NEMP2: variants seen among roughly 807,000 people sequenced by gnomAD.
NEMP2 encodes the protein nuclear envelope integral membrane protein 2, also known as UPF0571 transmembrane protein.
Under a neutral mutation model 54.2 loss-of-function variants are expected in NEMP2, and 53 were observed. The ratio of observed to expected loss-of-function variants is 0.98; its 90% CI spans 0.78 to 1.23. The LOEUF is 1.23. Ranked by LOEUF, NEMP2 falls within the 50% of genes most tolerant of loss-of-function variation. NEMP2 has a pLI of 0.00. For synonymous variants in NEMP2, 197 were observed against 190.3 expected (o/e 1.04, Z -0.29); for missense variants, 455 against 511.3 (o/e 0.89, Z 1.06).
the NEMP2 span, chr2:190,497,931 C>T: frequency 6.5e-3 from 2,955 of 456,692 alleles, 19 homozygotes; most frequent in Middle Eastern, 0.012. This position sits in a 1 kb window ranked among gnomAD's most constrained non-coding sequence, Gnocchi z 5.2. Context: ...TTATGGAGTT[C>T]AGGAAAACTT....
the NEMP2 span, among the ~76,000 whole-genome samples, chr2:190,568,754 G>A: frequency 5.8e-4 from 88 of 152,226 alleles, no homozygotes; most frequent in African/African-American, 1.8e-3. This position sits in a 1 kb window ranked among gnomAD's most constrained non-coding sequence, Gnocchi z 4.7. Context: ...CCCAGAAGGC[G>A]GAGGTTGCTG....
chr2:190,511,843 T>C (rs867836968), intron 7 of NEMP2, among the ~76,000 whole-genome samples: 2 of 151,718 alleles, frequency 1.3e-5, no homozygotes, highest in African/African-American at 2.4e-5. Context: ...CATGAGCCAC[T>C]GCGCCCGGCC....
At chr2:190,617,947 T>C in the NEMP2 span, among the ~76,000 whole-genome samples, 1 of 152,242 alleles carries the variant, frequency 6.6e-6, no homozygotes, top group East Asian at 1.9e-4. The surrounding 1 kb of genome is among the most constrained non-coding windows in gnomAD (Gnocchi z 5.0). Flanking sequence ...TTCAGGCTTT[T>C]ACTATGACAT....
chr2:190,624,524 C>T, the NEMP2 span: 4 of 152,178 alleles, frequency 2.6e-5, no homozygotes, highest in African/African-American at 9.7e-5. Context: ...ATATTTATTA[C>T]TCTATTCACA....
Position 190,527,269 on chromosome 2 carries a change from CA to C in NEMP2, c.98-1892del. ...TGAGTAAACAGTAACTACTAGTAAA[CA>C]ATCACATCCATGTAGGGAATAATAC... On this transcript the variant is annotated intron_variant, in intron 1 of 8. Transcript: ENST00000409150. The surrounding 1 kb of genome is among the most constrained non-coding windows in gnomAD (Gnocchi z 4.0). 6.6e-6 allele frequency among the ~76,000 whole-genome samples: 1 copy of C among 152,282 alleles called. No individual in the cohort carries two copies. Among genetic ancestry groups the C allele is most frequent in the Middle Eastern group, 3.4e-3 (1 of 294 alleles).
rs1690692598 is a variant in NEMP2 at position 190,519,817 on chromosome 2, A to G, written c.214-634T>C. 6.6e-6 allele frequency among the ~76,000 whole-genome samples: 1 copy of G among 152,238 alleles called. No homozygotes were observed. The highest frequency in any genetic ancestry group is 2.4e-5 in the African/African-American group (1 of 41,462). ...AGGCATACCCATTTTATTGTTTTAC[A>G]TCACTGTGCTTTGCAGATAGTGCAT... On this transcript the variant is annotated intron_variant, in intron 2 of 8. Coordinates refer to ENST00000409150, the MANE Select transcript of NEMP2 (RefSeq NM_001142645.2). This position sits in a 1 kb window ranked among gnomAD's most constrained non-coding sequence, Gnocchi z 5.4.
At chr2:190,633,244 C>T in the NEMP2 span, among the ~76,000 whole-genome samples, 5 of 151,748 alleles carry the variant, frequency 3.3e-5, no homozygotes, top group Admixed American at 1.3e-4. Flanking sequence ...GTCAACTCCA[C>T]GACTAAACTG....
chr2:190,458,871 G>A, the NEMP2 span, among the ~76,000 whole-genome samples: 2 of 152,166 alleles, frequency 1.3e-5, no homozygotes, highest in Admixed American at 6.5e-5. The surrounding 1 kb of genome is among the most constrained non-coding windows in gnomAD (Gnocchi z 5.3). Flanking sequence ...TTTTGGGCAG[G>A]CTTACTCATA....
At chr2:190,595,750 C>A in the NEMP2 span, among the ~76,000 whole-genome samples, 9 of 152,154 alleles carry the variant, frequency 5.9e-5, no homozygotes, top group Non-Finnish European at 1.3e-4. The surrounding 1 kb of genome is among the most constrained non-coding windows in gnomAD (Gnocchi z 4.0). Context: ...CAGGAAACAA[C>A]AGATGCTGGA....
the NEMP2 span, among the ~76,000 whole-genome samples, chr2:190,470,656 T>G: frequency 6.6e-6 from 1 of 152,210 alleles, no homozygotes; most frequent in Non-Finnish European, 1.5e-5. Flanking sequence ...TTCATTAGCT[T>G]TATAGATTGC....
At chr2:190,543,738 T>A in the NEMP2 span, among the ~76,000 whole-genome samples, 2 of 152,220 alleles carry the variant, frequency 1.3e-5, no homozygotes, top group African/African-American at 4.8e-5. The surrounding 1 kb of genome is among the most constrained non-coding windows in gnomAD (Gnocchi z 4.7). Context: ...GCCAGCTTGC[T>A]TATAACCCAC....
chr2:190,624,507 CA>C, the NEMP2 span: 5 of 152,186 alleles, frequency 3.3e-5, no homozygotes, highest in African/African-American at 1.2e-4. Flanking sequence ...GACGTATCCA[CA>C]TTTTCATATT....
chr2:190,554,437 G>A, the NEMP2 span, among the ~76,000 whole-genome samples: 9 of 152,204 alleles, frequency 5.9e-5, no homozygotes, highest in African/African-American at 2.2e-4. This position sits in a 1 kb window ranked among gnomAD's most constrained non-coding sequence, Gnocchi z 5.7. Context: ...ACAGCAGTCT[G>A]AGCTCGACCT....
the NEMP2 span, among the ~76,000 whole-genome samples, chr2:190,484,448 C>T: frequency 2.0e-5 from 3 of 152,028 alleles, no homozygotes; most frequent in African/African-American, 7.3e-5. Flanking sequence ...ATCTTTTGTC[C>T]CCTCTACTTT....
At chr2:190,471,553 G>A in the NEMP2 span, among the ~76,000 whole-genome samples, 3 of 152,208 alleles carry the variant, frequency 2.0e-5, no homozygotes, top group African/African-American at 4.8e-5. The surrounding 1 kb of genome is among the most constrained non-coding windows in gnomAD (Gnocchi z 4.7). Context: ...AGGGGCACCC[G>A]CCATTGCTGA....
chr2:190,617,140 A>T, the NEMP2 span: 4 of 151,974 alleles, frequency 2.6e-5, no homozygotes, highest in African/African-American at 9.7e-5. The surrounding 1 kb of genome is among the most constrained non-coding windows in gnomAD (Gnocchi z 5.0). Flanking sequence ...AAAAAAAAAG[A>T]ATATTTGAAA....
chr2:190,469,866 A>G, the NEMP2 span: 1 of 1,564,882 alleles, frequency 6.4e-7, no homozygotes, highest in African/African-American at 1.4e-5. This position sits in a 1 kb window ranked among gnomAD's most constrained non-coding sequence, Gnocchi z 5.3. Context: ...GTAAGTTAAC[A>G]GCTGGGATTG....
chr2:190,434,272 T>C, the NEMP2 span, among the ~76,000 whole-genome samples: 1 of 152,114 alleles, frequency 6.6e-6, no homozygotes, highest in African/African-American at 2.4e-5. The surrounding 1 kb of genome is among the most constrained non-coding windows in gnomAD (Gnocchi z 4.3). Flanking sequence ...ATCTGTTCAT[T>C]GGAACAACAT....
the NEMP2 span, chr2:190,641,223 G>A: frequency 1.3e-5 from 2 of 152,102 alleles, no homozygotes; most frequent in Admixed American, 6.5e-5. Context: ...CATAAGTACA[G>A]ACACATCTTC....
Sources: gnomAD v4.1 joint callset for allele counts (sites outside exome capture counted in the v4.1 genomes callset) on GRCh38, gnomAD v4.1.1 for gene constraint, Gnocchi (gnomAD v3.1) non-coding constraint, MANE v1.5 for transcripts, NCBI Gene and HGNC (gene_info 2026-07-23, HGNC 2026-07-21) for gene names.